Variants in PPP3CC observed in about 807,000 individuals in gnomAD.
PPP3CC encodes serine/threonine-protein phosphatase 2B catalytic subunit gamma isoform.
In PPP3CC, 35 loss-of-function variants were observed where a neutral mutation model predicts 60.3. That is an observed-to-expected ratio of 0.58 (90% CI 0.44 to 0.77). The LOEUF is 0.77. Ranked by LOEUF, PPP3CC falls within the 30% of genes least tolerant of loss-of-function variation. PPP3CC has a pLI of 0.00. For synonymous variants in PPP3CC, 206 were observed against 224.3 expected (o/e 0.92, Z 0.73); for missense variants, 570 against 628.9 (o/e 0.91, Z 1.00).
intron 1 of PPP3CC, among the ~76,000 whole-genome samples, chr8:22,470,923 C>T (rs143748141): frequency 8.7e-4 from 133 of 152,272 alleles, no homozygotes; most frequent in African/African-American, 3.1e-3. Flanking sequence ...TGCTTATGTC[C>T]ACCAAAGCAC....
intron 1 of PPP3CC, 84 bp downstream of exon 1, chr8:22,441,542 G>A: frequency 7.1e-7 from 1 of 1,409,968 alleles, no homozygotes; most frequent in East Asian, 2.9e-5. Flanking sequence ...GGGAGGCTGG[G>A]GCCGGGCTGC....
chr8:22,524,438 T>C (rs1839487914), intron 8 of PPP3CC, among the ~76,000 whole-genome samples: 3 of 152,246 alleles, frequency 2.0e-5, no homozygotes, highest in Non-Finnish European at 4.4e-5. Flanking sequence ...TGTCCTAGTC[T>C]TATGTTTTCA....
chr8:22,503,919 A>C (rs1047285731), intron 4 of PPP3CC, among the ~76,000 whole-genome samples: 9 of 152,170 alleles, frequency 5.9e-5, no homozygotes, highest in African/African-American at 1.7e-4. Flanking sequence ...GTTGCTCTGC[A>C]TGGGTGTTTT....
chr8:22,492,735 A>C, intron 3 of PPP3CC: 1 of 1,013,212 alleles, frequency 9.9e-7, no homozygotes, highest in Non-Finnish European at 1.6e-6. Context: ...GCCACAGCAG[A>C]TGATAAAAAA....
chr8:22,530,877 T>G (rs1289868006), intron 10 of PPP3CC, among the ~76,000 whole-genome samples: 2 of 144,116 alleles, frequency 1.4e-5, no homozygotes, highest in Non-Finnish European at 3.1e-5. Flanking sequence ...TTATATCCCC[T>G]GAAAGAGAAG....
intron 6 of PPP3CC, among the ~76,000 whole-genome samples, chr8:22,520,651 C>G (rs1463648592): frequency 6.6e-6 from 1 of 152,092 alleles, no homozygotes; most frequent in East Asian, 1.9e-4. Flanking sequence ...TCCAGGATTT[C>G]TATTTGCTTC....
At chr8:22,530,159 C>T (rs1392626183) in intron 10 of PPP3CC, among the ~76,000 whole-genome samples, 1 of 152,170 alleles carries the variant, frequency 6.6e-6, no homozygotes, top group African/African-American at 2.4e-5. Flanking sequence ...AGATAGCTTG[C>T]GAGTGTTTTT....
chr8:22,502,044 G>A (rs889896846), intron 4 of PPP3CC, among the ~76,000 whole-genome samples: 5 of 152,032 alleles, frequency 3.3e-5, no homozygotes, highest in Admixed American at 2.6e-4. Context: ...AAATAAATAA[G>A]TAAATAAATG....
At chr8:22,528,436 G>C (rs1839617155) in intron 9 of PPP3CC, 70 bp from the exon 10 acceptor site, 1 of 998,062 alleles carries the variant, frequency 1.0e-6, no homozygotes, top group Non-Finnish European at 1.4e-6. Flanking sequence ...TGTTTATTTA[G>C]ATATCCACAT....
chr8:22,486,597 A>G (rs1838230517), intron 3 of PPP3CC, among the ~76,000 whole-genome samples: 1 of 152,194 alleles, frequency 6.6e-6, no homozygotes, highest in African/African-American at 2.4e-5. Context: ...AGGAGGTGAC[A>G]TGACTAAGGA....
At chr8:22,515,127 C>A (rs540253889) in intron 6 of PPP3CC, among the ~76,000 whole-genome samples, 1 of 152,250 alleles carries the variant, frequency 6.6e-6, no homozygotes, top group East Asian at 1.9e-4. Context: ...CCTCTTACTA[C>A]CCTTCCCAGC....
intron 1 of PPP3CC, among the ~76,000 whole-genome samples, chr8:22,445,862 A>G (rs1396631786): frequency 1.3e-5 from 2 of 152,234 alleles, no homozygotes; most frequent in Admixed American, 6.5e-5. Flanking sequence ...CTTTTGAAAC[A>G]TTCAAAATCA....
chr8:22,451,414 G>A (rs573275253), intron 1 of PPP3CC, among the ~76,000 whole-genome samples: 1 of 152,340 alleles, frequency 6.6e-6, no homozygotes, highest in Admixed American at 6.5e-5. Flanking sequence ...GGGATTACAG[G>A]CGTGAGCCAC....
chr8:22,496,485 C>CT (rs71206523), intron 3 of PPP3CC, among the ~76,000 whole-genome samples: 1,384 of 43,556 alleles, frequency 0.032, 521 homozygotes, highest in Admixed American at 0.06. Context: ...GAACTGTAAT[C>CT]TTTTTTTTTT....
intron 4 of PPP3CC, among the ~76,000 whole-genome samples, chr8:22,503,891 T>C (rs1393291792): frequency 1.3e-5 from 2 of 152,214 alleles, no homozygotes; most frequent in Non-Finnish European, 2.9e-5. Context: ...TATTCTTGTA[T>C]AAGGAGAGAG....
At chr8:22,489,811 C>T (rs1051080458) in intron 3 of PPP3CC, among the ~76,000 whole-genome samples, 1 of 131,084 alleles carries the variant, frequency 7.6e-6, no homozygotes, top group Non-Finnish European at 1.6e-5. Flanking sequence ...ACATACATAA[C>T]AAATAAATAT....
intron 4 of PPP3CC, 94 bp from the exon 5 acceptor site, chr8:22,510,992 G>T (rs1435958424): frequency 7.8e-7 from 1 of 1,288,564 alleles, no homozygotes; most frequent in Non-Finnish European, 1.1e-6. Flanking sequence ...AAAATAAATG[G>T]CTCTAAAGTA....
chr8:22,513,508 A>T (rs998888347), intron 6 of PPP3CC, 76 bp downstream of exon 6: 3 of 1,448,336 alleles, frequency 2.1e-6, no homozygotes. Context: ...TCAGCATTTT[A>T]TATTTCAAAT....
intron 4 of PPP3CC, among the ~76,000 whole-genome samples, chr8:22,502,944 A>T (rs547116237): frequency 6.6e-6 from 1 of 152,144 alleles, no homozygotes; most frequent in Non-Finnish European, 1.5e-5. Flanking sequence ...TCTCAAACTC[A>T]TGCAATCCTC....
Sources: gnomAD v4.1 joint callset for allele counts (sites outside exome capture counted in the v4.1 genomes callset) on GRCh38, gnomAD v4.1.1 for gene constraint, MANE v1.5 for transcripts, NCBI Gene and HGNC (gene_info 2026-07-23, HGNC 2026-07-21) for gene names.